LRRTM4: variants seen among roughly 807,000 people sequenced by gnomAD.
LRRTM4 encodes the protein leucine rich repeat transmembrane neuronal 4.
Under a neutral mutation model 47.6 loss-of-function variants are expected in LRRTM4, and 25 were observed. That is an observed-to-expected ratio of 0.53 (90% CI 0.38 to 0.73). The LOEUF (loss-of-function observed/expected upper bound fraction) is 0.73. Ranked by LOEUF, LRRTM4 falls within the 30% of genes least tolerant of loss-of-function variation. The pLI is 0.00. For missense variants in LRRTM4, 638 were observed against 713.4 expected, an observed-to-expected ratio of 0.89 and a Z score of 1.20; for synonymous variants, 311 against 269.5, an observed-to-expected ratio of 1.15 and a Z score of -1.51.
chr2:76,922,333 G>A (rs560902169), intron 3 of LRRTM4, among the ~76,000 whole-genome samples: 1 of 152,162 alleles, frequency 6.6e-6, no homozygotes, highest in Admixed American at 6.6e-5. Flanking sequence ...GAAGCAAAAA[G>A]GGAAGCAAGC....
chr2:77,480,833 GAGAGAGA>G (rs1230332730), intron 3 of LRRTM4, among the ~76,000 whole-genome samples: 4,098 of 48,292 alleles, frequency 0.085, 64 homozygotes, highest in Non-Finnish European at 0.13. Flanking sequence ...GAGAGAGAGA[GAGAGAGA>G]GAGAGAGAGA....
rs34776298 is a variant in LRRTM4 at position 77,373,079 on chromosome 2, T to TAAAA, written c.1551+145235_1551+145238dup. Among the ~76,000 whole-genome samples the TAAAA allele has an allele frequency of 1.2e-3, 158 of 133,380 alleles. 1 individual carries two copies. The highest frequency in any genetic ancestry group is 7.8e-3 in the East Asian group (35 of 4,508). 87.5% of individuals were successfully genotyped at this position (133,380 alleles called of 152,430 possible). A position where few individuals can be genotyped will look rare whatever the true frequency, so the allele number is the denominator to read the frequency against. On this transcript the variant is annotated intron_variant, in intron 3 of 3. Coordinates refer to ENST00000409884, the MANE Select transcript of LRRTM4 (RefSeq NM_001134745.3). ...CACTCCTCAAAAGCAAACCAACAAT[T>TAAAA]AAAAAAAAAATATATATATATATAT...
intron 3 of LRRTM4, among the ~76,000 whole-genome samples, chr2:77,507,781 G>A (rs889659099): frequency 6.6e-6 from 1 of 152,002 alleles, no homozygotes; most frequent in African/African-American, 2.4e-5. Flanking sequence ...GAATCCCTAA[G>A]AGCAATGCAC....
intron 3 of LRRTM4, among the ~76,000 whole-genome samples, chr2:77,275,235 A>G (rs1676312227): frequency 6.6e-6 from 1 of 152,114 alleles, no homozygotes; most frequent in Non-Finnish European, 1.5e-5. Context: ...TTGCATTGTT[A>G]TTTATTCCTG....
intron 3 of LRRTM4, among the ~76,000 whole-genome samples, chr2:77,428,697 A>G (rs1192626745): frequency 6.6e-6 from 1 of 152,234 alleles, no homozygotes; most frequent in South Asian, 2.1e-4. Flanking sequence ...AATAGAAAAC[A>G]CAGATAAGGC....
intron 3 of LRRTM4, among the ~76,000 whole-genome samples, chr2:77,064,269 A>C (rs1408246040): frequency 6.6e-6 from 1 of 152,186 alleles, no homozygotes; most frequent in African/African-American, 2.4e-5. Flanking sequence ...TAACTGTAAA[A>C]TGATGTGTTG....
chr2:77,315,933 T>C (rs374346823), intron 3 of LRRTM4, among the ~76,000 whole-genome samples: 6 of 152,302 alleles, frequency 3.9e-5, no homozygotes, highest in South Asian at 2.1e-4. Flanking sequence ...TACTTTTCCT[T>C]TGGGCAAAGT....
chr2:76,942,491 A>AGTTTT (rs1675179770), intron 3 of LRRTM4, among the ~76,000 whole-genome samples: 1 of 142,606 alleles, frequency 7.0e-6, no homozygotes, highest in Admixed American at 7.1e-5. Flanking sequence ...CTGTGCTAAC[A>AGTTTT]TTTTTTTTTT....
At chr2:77,118,897 T>C (rs1342156065) in intron 3 of LRRTM4, among the ~76,000 whole-genome samples, 2 of 151,840 alleles carry the variant, frequency 1.3e-5, no homozygotes, top group South Asian at 4.1e-4. Flanking sequence ...CAGGATACTT[T>C]GTGAAAGGGA....
At chr2:76,867,958 G>A (rs1672511704) in intron 3 of LRRTM4, among the ~76,000 whole-genome samples, 1 of 152,128 alleles carries the variant, frequency 6.6e-6, no homozygotes, top group Admixed American at 6.5e-5. Context: ...GTTCTAGAGA[G>A]ATCAATTCTA....
At chr2:77,327,519 C>A (rs954184746) in intron 3 of LRRTM4, among the ~76,000 whole-genome samples, 10 of 152,076 alleles carry the variant, frequency 6.6e-5, no homozygotes, top group Non-Finnish European at 1.5e-4. Context: ...AGAAACAATT[C>A]AAATTCCCTG....
chr2:76,901,626 G>C (rs1376769646), intron 3 of LRRTM4, among the ~76,000 whole-genome samples: 1 of 152,068 alleles, frequency 6.6e-6, no homozygotes, highest in Admixed American at 6.6e-5. Flanking sequence ...CTGTTTAATT[G>C]AGATCTAGAG....
chr2:76,795,594 C>CATACATATAT (rs59362311), intron 3 of LRRTM4, among the ~76,000 whole-genome samples: 1 of 151,714 alleles, frequency 6.6e-6, no homozygotes, highest in South Asian at 2.1e-4. Flanking sequence ...CACACACATA[C>CATACATATAT]ACACACACTA....
chr2:77,089,355 T>C (rs967115746), intron 3 of LRRTM4, among the ~76,000 whole-genome samples: 3 of 151,388 alleles, frequency 2.0e-5, no homozygotes, highest in Admixed American at 1.3e-4. Flanking sequence ...CCCAACCTCA[T>C]ATCTCTGCAC....
chr2:77,293,245 C>T (rs141096206), intron 3 of LRRTM4, among the ~76,000 whole-genome samples: 3 of 152,010 alleles, frequency 2.0e-5, no homozygotes, highest in Non-Finnish European at 2.9e-5. Context: ...TGACTATAAC[C>T]AAAAGTAGTA....
chr2:77,081,247 A>AACACACACACACAC lies in LRRTM4; in HGVS notation c.1552-332345_1552-332332dup, dbSNP rs58897041. 6.3e-4 allele frequency among the ~76,000 whole-genome samples: 88 copies of AACACACACACACAC among 139,996 alleles called. 1 individual carries two copies. The highest frequency in any genetic ancestry group is 3.6e-3 in the Middle Eastern group (1 of 278). 91.8% of individuals were successfully genotyped at this position (139,996 alleles called of 152,430 possible). ...CCAGCACCGAAAAATACCTGACAGC[A>AACACACACACACAC]ACACACACACACACACACACACACA... On this transcript the variant is annotated intron_variant, in intron 3 of 3. Transcript: ENST00000409884.
chr2:76,790,681 T>A (rs1380721204), intron 3 of LRRTM4, among the ~76,000 whole-genome samples: 1 of 152,022 alleles, frequency 6.6e-6, no homozygotes, highest in African/African-American at 2.4e-5. Flanking sequence ...TATCTTGTAG[T>A]GTTACTTAAT....
intron 3 of LRRTM4, among the ~76,000 whole-genome samples, chr2:77,068,019 A>G (rs1363228149): frequency 3.3e-5 from 5 of 152,164 alleles, no homozygotes; most frequent in Admixed American, 2.6e-4. Context: ...AAAGGAATAT[A>G]TTAAAAGTTA....
chr2:76,981,701 A>C (rs973042600), intron 3 of LRRTM4, among the ~76,000 whole-genome samples: 1 of 151,864 alleles, frequency 6.6e-6, no homozygotes, highest in Admixed American at 6.6e-5. Flanking sequence ...TTATTTTGCC[A>C]GGGCTCTTCT....
Sources: gnomAD v4.1 joint callset for allele counts (sites outside exome capture counted in the v4.1 genomes callset) on GRCh38, gnomAD v4.1.1 for gene constraint, MANE v1.5 for transcripts, NCBI Gene and HGNC (gene_info 2026-07-23, HGNC 2026-07-21) for gene names.